Variants in COL6A5 observed in about 807,000 individuals in gnomAD.
COL6A5 encodes collagen type VI alpha 5 chain.
In COL6A5, 48 loss-of-function variants were observed where a neutral mutation model predicts 65.6. That is an observed-to-expected ratio of 0.73 (90% CI 0.58 to 0.93). The LOEUF (loss-of-function observed/expected upper bound fraction) is 0.93. Among genes scored for constraint, COL6A5 ranks in the 40% least tolerant of loss-of-function variants. The probability of loss-of-function intolerance (pLI) is 0.00; values close to 1 mark genes in which losing one functional copy is unlikely to be tolerated. For synonymous variants in COL6A5, 291 were observed against 322.8 expected, an observed-to-expected ratio of 0.90 and a Z score of 1.05; for missense variants, 914 against 928.3, an observed-to-expected ratio of 0.98 and a Z score of 0.20.
chr3:130,414,377 A>C (rs1937277668), intron 22 of COL6A5, among the ~76,000 whole-genome samples: 1 of 152,110 alleles, frequency 6.6e-6, no homozygotes, highest in Admixed American at 6.6e-5. Flanking sequence ...TCTTCTTATT[A>C]GTAATAGTGA....
chr3:130,395,125 C>A (rs980202104), exon 8 of COL6A5: 1 of 1,551,636 alleles, frequency 6.4e-7, no homozygotes. Context: ...AGAATGTCTC[C>A]AAGAGCGGTG....
intron 3 of COL6A5, among the ~76,000 whole-genome samples, chr3:130,441,055 C>G (rs1037686175): frequency 6.6e-6 from 1 of 152,104 alleles, no homozygotes; most frequent in Non-Finnish European, 1.5e-5. Flanking sequence ...TAGCCAAACT[C>G]TCAGCACTAG....
intron 5 of COL6A5, among the ~76,000 whole-genome samples, chr3:130,467,199 CTG>C (rs919489717): frequency 3.3e-5 from 5 of 151,778 alleles, no homozygotes; most frequent in Admixed American, 1.3e-4. Flanking sequence ...ATGATCAAAT[CTG>C]GATAATTGGG....
At chr3:130,454,236 A>C (rs1232486341) in intron 4 of COL6A5, among the ~76,000 whole-genome samples, 1 of 43,292 alleles carries the variant, frequency 2.3e-5, no homozygotes, top group East Asian at 6.6e-4. Context: ...GGAATTTTTA[A>C]AAACCAAAAA....
At chr3:130,405,558 T>G in intron 13 of COL6A5, 30 bp from the exon 14 acceptor site, 1 of 1,526,904 alleles carries the variant, frequency 6.5e-7, no homozygotes, top group East Asian at 2.5e-5. Flanking sequence ...AAACATCACT[T>G]TGGGTACCTG....
intron 4 of COL6A5, among the ~76,000 whole-genome samples, chr3:130,449,244 C>T (rs1312369121): frequency 6.6e-6 from 1 of 152,166 alleles, no homozygotes; most frequent in Non-Finnish European, 1.5e-5. Context: ...CCTAAACCAG[C>T]CCTGTTTTCT....
At position 130,377,466 on chromosome 3, in the gene COL6A5, G is replaced by C. The variant is rs149059476; in HGVS notation, c.667+630G>C. 3.6e-3 allele frequency among the ~76,000 whole-genome samples: 553 copies of C among 152,328 alleles called. 3 individuals carry two copies. The highest frequency in any genetic ancestry group is 0.012 in the African/African-American group (519 of 41,582). On this transcript the variant is annotated intron_variant and NMD_transcript_variant, in intron 3 of 41. Transcript: ENST00000312481. ...ACTGATATATAGTGATACTCAGTGA[G>C]AAGAATGATAACCTTAGAATGAGAC...
rs114910753 is a variant in COL6A5 at position 130,404,570 on chromosome 3, T to C, written c.4281+908T>C. Among the ~76,000 whole-genome samples the C allele has an allele frequency of 3.5e-3, 536 of 152,332 alleles. 2 individuals are homozygous for C. The highest frequency in any genetic ancestry group is 0.012 in the African/African-American group (516 of 41,590). On this transcript the variant is annotated intron_variant and NMD_transcript_variant, in intron 13 of 41. Transcript: ENST00000312481. ...GGGGGGTGCTCTAAATCACCTACTCTGTACCCTCCAAACTAGCATGGGAGT... is the reference window on the plus strand; with the variant it reads ...GGGGGGTGCTCTAAATCACCTACTCCGTACCCTCCAAACTAGCATGGGAGT...
chr3:130,353,725 A>G (rs1011769442), intron 1 of COL6A5, among the ~76,000 whole-genome samples: 5 of 151,704 alleles, frequency 3.3e-5, no homozygotes, highest in African/African-American at 1.2e-4. Context: ...AAATTTCTGA[A>G]AAAAAAAGAA....
chr3:130,479,209 A>T (rs922764990), intron 7 of COL6A5, among the ~76,000 whole-genome samples: 1 of 151,970 alleles, frequency 6.6e-6, no homozygotes, highest in Non-Finnish European at 1.5e-5. Flanking sequence ...CCCTTCCACC[A>T]TGTGAGAATT....
At chr3:130,351,730 A>G (rs1023346138) in intron 1 of COL6A5, among the ~76,000 whole-genome samples, 5 of 152,232 alleles carry the variant, frequency 3.3e-5, no homozygotes, top group African/African-American at 1.2e-4. Context: ...TAGTTCAACC[A>G]TTGTGGAAGA....
upstream of COL6A5, chr3:130,431,225 A>G (rs1937787108): frequency 1.5e-6 from 1 of 683,290 alleles, no homozygotes; most frequent in South Asian, 1.5e-5. Flanking sequence ...ACTGATTGAT[A>G]GTGGGCTGTG....
chr3:130,388,886 G>A lies in COL6A5; in HGVS notation c.2168G>A (p.Gly723Glu), dbSNP rs1577456865. The A allele has an allele frequency of 1.9e-6, 3 of 1,549,622 alleles. No homozygotes were observed. In the East Asian group the frequency reaches 7.3e-5, roughly 38 times the overall value. ...GGTCAATACTTCACCCACTCCAAGG[G>A]GGCCCGTTTGGGGGCCAAAAAATTT... is the stretch of plus-strand genomic sequence containing the variant. Residue 723 changes from glycine to glutamate, a missense_variant and NMD_transcript_variant, in exon 6 of 42, where the codon GGG becomes GAG. By Grantham distance (98) the Gly-to-Glu change is moderately conservative. Transcript: ENST00000312481.
At chr3:130,396,462 C>T (rs775417403) in intron 8 of COL6A5, among the ~76,000 whole-genome samples, 3 of 152,232 alleles carry the variant, frequency 2.0e-5, no homozygotes, top group Non-Finnish European at 4.4e-5. Context: ...CCTCCACACA[C>T]GACTGTTTCC....
intron 13 of COL6A5, 21 bp downstream of exon 13, chr3:130,403,683 C>T: frequency 6.5e-7 from 1 of 1,543,074 alleles, no homozygotes; most frequent in Non-Finnish European, 8.8e-7. Flanking sequence ...ATTACTCCCC[C>T]TCACCCCCTG....
At chr3:130,398,282 C>T (rs1936687001) in intron 10 of COL6A5, among the ~76,000 whole-genome samples, 171 bp downstream of exon 10, 1 of 152,024 alleles carries the variant, frequency 6.6e-6, no homozygotes, top group South Asian at 2.1e-4. Context: ...AGGCGCCCAC[C>T]ACCACGCCCA....
At chr3:130,360,261 A>G (rs1166430744) in intron 1 of COL6A5, among the ~76,000 whole-genome samples, 1 of 152,130 alleles carries the variant, frequency 6.6e-6, no homozygotes, top group Admixed American at 6.5e-5. Context: ...CAGTGCTGAG[A>G]ATATTGTTCC....
At chr3:130,409,948 CG>C (rs1466371509) in intron 18 of COL6A5, 60 bp from the exon 19 acceptor site, 2 of 1,180,740 alleles carry the variant, frequency 1.7e-6, no homozygotes, top group Non-Finnish European at 2.4e-6. Flanking sequence ...AACATCATAC[CG>C]TTTTGGGGAA....
At chr3:130,366,643 C>T (rs1324941182) in intron 1 of COL6A5, among the ~76,000 whole-genome samples, 1 of 152,164 alleles carries the variant, frequency 6.6e-6, no homozygotes, top group African/African-American at 2.4e-5. Context: ...ATATCAAGGG[C>T]TTTTGTATAT....
Sources: allele counts gnomAD v4.1 joint callset (sites outside exome capture counted in the v4.1 genomes callset), GRCh38; gene constraint gnomAD v4.1.1; transcripts MANE v1.5; gene names NCBI Gene and HGNC (gene_info 2026-07-23, HGNC 2026-07-21).